The following RGS6 variants were observed in gnomAD, a reference collection of about 807,000 sequenced individuals.
RGS6 encodes regulator of G-protein signaling 6.
A neutral mutation model predicts 78.5 loss-of-function variants in RGS6; 30 were observed. The observed-to-expected ratio is 0.38, with a 90% confidence interval of 0.29 to 0.52. The LOEUF is 0.52. RGS6 is among the 20% of genes least tolerant of loss of function. The pLI is 0.85. For synonymous variants in RGS6, 206 were observed against 206.0 expected (o/e 1.00, Z 0.00); for missense variants, 495 against 609.7 (o/e 0.81, Z 1.98).
At chr14:72,038,002 G>A (rs748680071) in intron 2 of RGS6, among the ~76,000 whole-genome samples, 17 of 122,474 alleles carry the variant, frequency 1.4e-4, no homozygotes, top group East Asian at 2.6e-4. Context: ...ATTGAGGCTC[G>A]CTCTGTTGCC....
the RGS6 span, among the ~76,000 whole-genome samples, chr14:72,619,680 T>C: frequency 6.6e-6 from 1 of 152,226 alleles, no homozygotes; most frequent in Non-Finnish European, 1.5e-5. Context: ...AAAACTTCCT[T>C]GGCCCTCAAG....
intron 2 of RGS6, among the ~76,000 whole-genome samples, chr14:72,137,466 G>T (rs2096463060): frequency 6.6e-6 from 1 of 152,156 alleles, no homozygotes; most frequent in African/African-American, 2.4e-5. Context: ...CCACAAGACT[G>T]CCCTTCACTT....
chr14:72,052,997 CTCTCTCTCTT>C (rs1567106404), intron 2 of RGS6, among the ~76,000 whole-genome samples: 42 of 121,398 alleles, frequency 3.5e-4, no homozygotes, highest in Non-Finnish European at 3.8e-4. Flanking sequence ...CTCTCTCTCT[CTCTCTCTCTT>C]TCTTTCCTTC....
At chr14:72,045,496 T>C (rs1455147700) in intron 2 of RGS6, among the ~76,000 whole-genome samples, 2 of 152,160 alleles carry the variant, frequency 1.3e-5, no homozygotes, top group East Asian at 3.9e-4. Flanking sequence ...GTCTTTGGGA[T>C]TCCCTAAGAA....
At chr14:71,877,539 G>C in the RGS6 span, among the ~76,000 whole-genome samples, 5 of 152,108 alleles carry the variant, frequency 3.3e-5, no homozygotes, top group Admixed American at 6.5e-5. Flanking sequence ...GGTTATTTAA[G>C]GTCTTCTCTA....
At chr14:72,552,318 C>G (rs1274241744) in intron 17 of RGS6, among the ~76,000 whole-genome samples, 1 of 152,148 alleles carries the variant, frequency 6.6e-6, no homozygotes, top group Non-Finnish European at 1.5e-5. Context: ...GTTCTATGGT[C>G]GATTTCCTGG....
intron 2 of RGS6, among the ~76,000 whole-genome samples, chr14:72,256,058 G>A (rs847236): frequency 0.29 from 43,699 of 152,166 alleles, 6,986 homozygotes; most frequent in South Asian, 0.41. Context: ...CACAGACAGA[G>A]CCAAGGCACT....
At chr14:72,400,829 C>T (rs2092304875) in intron 3 of RGS6, among the ~76,000 whole-genome samples, 1 of 152,188 alleles carries the variant, frequency 6.6e-6, no homozygotes, top group Non-Finnish European at 1.5e-5. Flanking sequence ...CAGCCCTATC[C>T]AGGTTTCCCT....
chr14:72,243,900 G>T (rs1600306369), intron 2 of RGS6, among the ~76,000 whole-genome samples: 1 of 152,178 alleles, frequency 6.6e-6, no homozygotes, highest in South Asian at 2.1e-4. Flanking sequence ...TAACAGCCTG[G>T]GAGATCATGG....
intron 2 of RGS6, among the ~76,000 whole-genome samples, chr14:72,186,983 C>T (rs1360656789): frequency 6.6e-6 from 1 of 152,094 alleles, no homozygotes; most frequent in African/African-American, 2.4e-5. Context: ...GTCAGTTTCT[C>T]CCTGAATGGA....
chr14:72,510,376 A>C, intron 14 of RGS6, 97 bp downstream of exon 14: 1 of 1,496,358 alleles, frequency 6.7e-7, no homozygotes, highest in Admixed American at 1.8e-5. Context: ...AAACGTTATC[A>C]GGGTTCAAAT....
At chr14:71,939,532 T>C (rs557872156) in intron 1 of RGS6, among the ~76,000 whole-genome samples, 69 of 152,362 alleles carry the variant, frequency 4.5e-4, no homozygotes, top group African/African-American at 1.7e-3. Flanking sequence ...TAAAGGTATA[T>C]TGCTAGCCTT....
At chr14:72,281,045 C>G (rs2061480602) in intron 2 of RGS6, among the ~76,000 whole-genome samples, 2 of 151,528 alleles carry the variant, frequency 1.3e-5, no homozygotes, top group South Asian at 4.1e-4. Context: ...ACATGTTCTG[C>G]AAGTTATTGG....
At chr14:72,374,977 A>C (rs1485821957) in intron 3 of RGS6, among the ~76,000 whole-genome samples, 1 of 152,236 alleles carries the variant, frequency 6.6e-6, no homozygotes, top group Non-Finnish European at 1.5e-5. Context: ...TAGAGACTTA[A>C]TAGAAACATT....
intron 17 of RGS6, chr14:72,550,806 T>G: frequency 3.6e-6 from 2 of 551,266 alleles, no homozygotes; most frequent in Non-Finnish European, 2.8e-6. Context: ...ATAGCTTGCT[T>G]GCTTGCTTTT....
intron 17 of RGS6, among the ~76,000 whole-genome samples, chr14:72,544,761 C>T (rs908405037): frequency 6.6e-6 from 1 of 152,202 alleles, no homozygotes; most frequent in Non-Finnish European, 1.5e-5. Flanking sequence ...CTCCTTCCAT[C>T]CCCCTGTTCC....
intron 3 of RGS6, among the ~76,000 whole-genome samples, chr14:72,435,939 G>A (rs1368578332): frequency 2.0e-5 from 3 of 152,142 alleles, no homozygotes; most frequent in African/African-American, 7.2e-5. Context: ...TGGGGATCAG[G>A]ACATGGACAT....
At chr14:72,548,749 C>A (rs1008279621) in intron 17 of RGS6, among the ~76,000 whole-genome samples, 1 of 152,162 alleles carries the variant, frequency 6.6e-6, no homozygotes, top group African/African-American at 2.4e-5. Context: ...GAGCTCTTTG[C>A]ATTTGTCTTC....
intron 2 of RGS6, among the ~76,000 whole-genome samples, chr14:72,152,509 A>G (rs1383390139): frequency 1.3e-5 from 2 of 152,122 alleles, no homozygotes; most frequent in Admixed American, 6.5e-5. Context: ...CAGCTCTGTA[A>G]TAGGGTTTCT....
Sources: gnomAD v4.1 joint callset for allele counts (sites outside exome capture counted in the v4.1 genomes callset) on GRCh38, gnomAD v4.1.1 for gene constraint, MANE v1.5 for transcripts, NCBI Gene and HGNC (gene_info 2026-07-23, HGNC 2026-07-21) for gene names.